The following GNA12 variants were observed in gnomAD, a reference collection of about 807,000 sequenced individuals.
GNA12 encodes the protein guanine nucleotide-binding protein subunit alpha-12.
A neutral mutation model predicts 26.0 loss-of-function variants in GNA12; 9 were observed. The ratio of observed to expected loss-of-function variants is 0.35; its 90% CI spans 0.21 to 0.60. The LOEUF is 0.60. Among genes scored for constraint, GNA12 ranks in the 20% least tolerant of loss-of-function variants. The pLI is 0.78. For synonymous variants in GNA12, 264 were observed against 219.6 expected, an observed-to-expected ratio of 1.20 and a Z score of -1.79; for missense variants, 405 against 525.8, an observed-to-expected ratio of 0.77 and a Z score of 2.25.
At chr7:2,793,513 C>A (rs1792573270) in intron 2 of GNA12, among the ~76,000 whole-genome samples, 1 of 152,014 alleles carries the variant, frequency 6.6e-6, no homozygotes, top group Non-Finnish European at 1.5e-5. Flanking sequence ...ACTGAGGGGA[C>A]TATTAGCAGA....
intron 2 of GNA12, among the ~76,000 whole-genome samples, chr7:2,792,726 C>T (rs894803250): frequency 3.9e-5 from 6 of 152,202 alleles, no homozygotes; most frequent in Non-Finnish European, 7.3e-5. Flanking sequence ...CCACATCTTC[C>T]ACTCTCTTTT....
At chr7:2,739,455 G>A (rs1583215964) in intron 2 of GNA12, among the ~76,000 whole-genome samples, 1 of 151,954 alleles carries the variant, frequency 6.6e-6, no homozygotes, top group African/African-American at 2.4e-5. Flanking sequence ...GCACAGGCCA[G>A]TGCAACATTC....
intron 2 of GNA12, among the ~76,000 whole-genome samples, chr7:2,757,559 G>A (rs1791362782): frequency 6.6e-6 from 1 of 152,196 alleles, no homozygotes; most frequent in Non-Finnish European, 1.5e-5. Context: ...AACGCGGCCA[G>A]GTGCACCAGC....
chr7:2,838,100 C>T (rs1014772158), intron 1 of GNA12, among the ~76,000 whole-genome samples: 4 of 151,616 alleles, frequency 2.6e-5, no homozygotes, highest in African/African-American at 9.7e-5. Context: ...ATACTGCAAA[C>T]CTAAGGCAAC....
intron 2 of GNA12, among the ~76,000 whole-genome samples, chr7:2,759,004 G>A (rs989413562): frequency 6.6e-6 from 1 of 152,004 alleles, no homozygotes; most frequent in African/African-American, 2.4e-5. Context: ...GCGGGGCGTG[G>A]TGGTGGGCGC....
chr7:2,735,305 C>A (rs956284948), intron 2 of GNA12, among the ~76,000 whole-genome samples: 1 of 152,160 alleles, frequency 6.6e-6, no homozygotes, highest in Non-Finnish European at 1.5e-5. Flanking sequence ...CCAAGCCACC[C>A]TTGCCCGTTT....
intron 1 of GNA12, among the ~76,000 whole-genome samples, chr7:2,831,771 G>A (rs376051954): frequency 2.0e-5 from 3 of 152,112 alleles, no homozygotes; most frequent in African/African-American, 7.2e-5. Flanking sequence ...GTCACCTCAT[G>A]TGCGCCAAAA....
chr7:2,731,787 G>T lies in GNA12; in HGVS notation c.577-37C>A. On this transcript the variant is annotated intron_variant, in intron 3 of 3. Transcript: ENST00000275364. The surrounding 1 kb of genome is among the most constrained non-coding windows in gnomAD (Gnocchi z 6.0). ...AGGATGAGGCAGAAATTTAGGGGGA[G>T]GAAGAAAGAACAGAGAAAATAGAAA... The T allele has an allele frequency of 9.2e-7, 1 of 1,087,676 alleles. No homozygotes were observed. The highest frequency in any genetic ancestry group is 1.3e-6 in the Non-Finnish European group (1 of 776,340). 67.4% of individuals were successfully genotyped at this position (1,087,676 alleles called of 1,614,324 possible). A position where few individuals can be genotyped will look rare whatever the true frequency, so the allele number is the denominator to read the frequency against.
At position 2,803,332 on chromosome 7, in the gene GNA12, G is replaced by T. The variant is rs35061197; in HGVS notation, c.310-8189C>A. Among the ~76,000 whole-genome samples, 60 of 152,292 alleles carry T rather than the reference G, an allele frequency of 3.9e-4. No individual in the cohort carries two copies. In the East Asian group the frequency reaches 0.011, roughly 28 times the overall value. Reference sequence around the variant, plus strand: ...AAGAAGTCTGTGTGAGAAAGGGGACGATCGAGGGCTTTGGAAAAGGAGAAT... The same window carrying T: ...AAGAAGTCTGTGTGAGAAAGGGGACTATCGAGGGCTTTGGAAAAGGAGAAT... On this transcript the variant is annotated intron_variant, in intron 1 of 3. Transcript: ENST00000275364.
intron 2 of GNA12, among the ~76,000 whole-genome samples, chr7:2,764,244 C>CTTTT (rs35992308): frequency 3.6e-5 from 5 of 139,296 alleles, no homozygotes; most frequent in African/African-American, 1.1e-4. Flanking sequence ...CAGCTAATTT[C>CTTTT]TTTTTTTTTT....
At chr7:2,793,253 G>T (rs1378652136) in intron 2 of GNA12, among the ~76,000 whole-genome samples, 1 of 150,200 alleles carries the variant, frequency 6.7e-6, no homozygotes, top group Non-Finnish European at 1.5e-5. Context: ...CACAATGGGG[G>T]ATTCCAGGCC....
chr7:2,781,573 G>A (rs186743316), intron 2 of GNA12, among the ~76,000 whole-genome samples: 155 of 152,092 alleles, frequency 1.0e-3, no homozygotes, highest in Admixed American at 4.3e-3. Flanking sequence ...TTAGAGAAAG[G>A]GCTAGCAAAC....
At chr7:2,826,904 C>T (rs984021022) in intron 1 of GNA12, among the ~76,000 whole-genome samples, 7 of 152,162 alleles carry the variant, frequency 4.6e-5, no homozygotes, top group East Asian at 3.9e-4. Context: ...TGCAACACAA[C>T]GAGTGAACCC....
At chr7:2,806,854 G>T (rs1028476933) in intron 1 of GNA12, among the ~76,000 whole-genome samples, 2 of 152,106 alleles carry the variant, frequency 1.3e-5, no homozygotes, top group African/African-American at 4.8e-5. Context: ...GGAACTCCTT[G>T]ATACATCCCT....
chr7:2,800,895 A>G (rs1792793959), intron 1 of GNA12, among the ~76,000 whole-genome samples: 1 of 152,186 alleles, frequency 6.6e-6, no homozygotes, highest in Admixed American at 6.5e-5. Flanking sequence ...ACACCACACC[A>G]AACTCTTGCC....
At chr7:2,802,748 T>C (rs1401428367) in intron 1 of GNA12, among the ~76,000 whole-genome samples, 1 of 152,214 alleles carries the variant, frequency 6.6e-6, no homozygotes, top group East Asian at 1.9e-4. Flanking sequence ...AAAGAAACGC[T>C]GCCAGAAGTG....
chr7:2,748,259 ATAC>A (rs1583230671), intron 2 of GNA12, among the ~76,000 whole-genome samples: 1 of 152,038 alleles, frequency 6.6e-6, no homozygotes, highest in African/African-American at 2.4e-5. Context: ...ACTTCAAACT[ATAC>A]TACAAGGCTA....
chr7:2,759,182 A>C, intron 2 of GNA12, among the ~76,000 whole-genome samples: 1 of 149,350 alleles, frequency 6.7e-6, no homozygotes, highest in East Asian at 1.9e-4. Flanking sequence ...TAAATAAATA[A>C]ATAAATAAAA....
intron 1 of GNA12, among the ~76,000 whole-genome samples, chr7:2,809,286 C>T (rs1793023255): frequency 1.3e-5 from 2 of 152,170 alleles, no homozygotes; most frequent in Non-Finnish European, 2.9e-5. Context: ...GACCCCAGGT[C>T]CTCATCCGCA....
Sources: allele counts gnomAD v4.1 joint callset (sites outside exome capture counted in the v4.1 genomes callset), GRCh38; gene constraint gnomAD v4.1.1; non-coding constraint Gnocchi (gnomAD v3.1); transcripts MANE v1.5; gene names NCBI Gene and HGNC (gene_info 2026-07-23, HGNC 2026-07-21).